The following RELCH variants were observed in gnomAD, a reference collection of about 807,000 sequenced individuals.
RELCH encodes the protein RAB11-binding protein RELCH.
Under a neutral mutation model 150.3 loss-of-function variants are expected in RELCH, and 41 were observed. The observed-to-expected ratio is 0.27, with a 90% confidence interval of 0.21 to 0.35. RELCH has a LOEUF of 0.35. Among genes scored for constraint, RELCH ranks in the 10% least tolerant of loss-of-function variants. The probability of loss-of-function intolerance (pLI) is 1.00; values close to 1 mark genes in which losing one functional copy is unlikely to be tolerated. For synonymous variants in RELCH, 478 were observed against 531.8 expected (o/e 0.90, Z 1.39); for missense variants, 1,092 against 1,467.8 (o/e 0.74, Z 4.18).
intron 26 of RELCH, among the ~76,000 whole-genome samples, chr18:62,289,331 TTCCATTGTA>T (rs754608730): frequency 2.0e-5 from 3 of 152,214 alleles, no homozygotes; most frequent in Non-Finnish European, 4.4e-5. Flanking sequence ...ATCTGTTCTG[TTCCATTGTA>T]TTCTAAGCTG....
In RELCH at chr18:62,274,000, A is replaced by C; in HGVS notation, c.2781A>C (p.Leu927Phe). 6.2e-7 allele frequency: 1 copy of C among 1,611,694 alleles called. No individual in the cohort carries two copies. The highest frequency in any genetic ancestry group is 1.7e-4 in the Middle Eastern group (1 of 6,048). ...CYIQEEDRKL[L>F]VGFLEDVMTL... is the part of the protein sequence containing the mutation. The stretch of plus-strand genomic sequence containing the variant: ...TGTAGGAAGAAGACCGAAAACTGTT[A>C]GTTGGATTCTTAGAAGATGTAATGA... Residue 927 changes from leucine to phenylalanine, a missense_variant, in exon 21 of 29, where the codon TTA (leucine) becomes TTC (phenylalanine). Around this residue, in one of 4 missense-constraint regions of RELCH, gnomAD observed 707 missense variants for 1,025.4 expected, o/e 0.69. Coordinates refer to ENST00000644646, the MANE Select transcript of RELCH (RefSeq NM_001346231.2).
intron 21 of RELCH, among the ~76,000 whole-genome samples, chr18:62,274,560 A>G (rs1009882055): frequency 2.0e-5 from 3 of 152,222 alleles, no homozygotes; most frequent in Admixed American, 1.3e-4. Flanking sequence ...TTTCATTTGC[A>G]TAGGCTTCAC....
chr18:62,207,341 T>C (rs1425458754), intron 1 of RELCH, among the ~76,000 whole-genome samples: 1 of 152,256 alleles, frequency 6.6e-6, no homozygotes. Context: ...TCCATCCTTT[T>C]TATTGCTGAA....
rs1313752829 is a variant in RELCH, at chr18:62,227,417, A to G, written c.987A>G (p.Glu329=). 1 of 1,613,282 alleles carries G rather than the reference A, an allele frequency of 6.2e-7. No homozygotes were observed. ...TTGTAGATGTGGCCAGTGGAGTAGA[A>G]GAAGATGAATTAGAGGCCCTTACAC... ...KDLVDVASGV[E]EDELEALTPI... The change falls in exon 6 of 29, where the codon GAA becomes GAG. Residue 329 remains glutamate (E), a synonymous_variant. Transcript: ENST00000644646.
At chr18:62,214,925 A>C (rs28718135) in intron 2 of RELCH, among the ~76,000 whole-genome samples, 1,778 of 152,236 alleles carry the variant, frequency 0.012, 26 homozygotes, top group East Asian at 0.052. Context: ...TAGGAGGGAC[A>C]GCCTGAAAGA....
intron 12 of RELCH, chr18:62,254,561 T>A (rs2042897261): frequency 6.6e-6 from 1 of 152,136 alleles, no homozygotes; most frequent in Admixed American, 6.6e-5. Context: ...TTCAAAGATG[T>A]CAGTTATAAA....
chr18:62,273,864 C>T, intron 20 of RELCH, 116 bp from the exon 21 acceptor site: 1 of 649,236 alleles, frequency 1.5e-6, no homozygotes, highest in Non-Finnish European at 2.7e-6. Flanking sequence ...AAATAGCTTC[C>T]AAATTTGGAT....
chr18:62,245,447 A>G (rs2042356009), intron 11 of RELCH, among the ~76,000 whole-genome samples: 1 of 152,082 alleles, frequency 6.6e-6, no homozygotes, highest in Admixed American at 6.5e-5. Flanking sequence ...AACATGGTGA[A>G]ACTCTATCTC....
At chr18:62,299,496 C>T (rs2045569278) in intron 28 of RELCH, among the ~76,000 whole-genome samples, 1 of 152,052 alleles carries the variant, frequency 6.6e-6, no homozygotes, top group Admixed American at 6.6e-5. Flanking sequence ...GTGTTTCATC[C>T]TATCAGTCTA....
rs368200612 is a variant in RELCH at position 62,235,715 on chromosome 18, TG to T, written c.1620+3290del. 2.1e-3 allele frequency among the ~76,000 whole-genome samples: 312 copies of T among 152,170 alleles called. 4 individuals are homozygous for T. The highest frequency in any genetic ancestry group is 7.3e-3 in the African/African-American group (302 of 41,566). On this transcript the variant is annotated intron_variant, in intron 10 of 28. Transcript: ENST00000644646. ...TTGTTCTCTTGGATGGTATTGTAAA[TG>T]GAATTGTTCTTTTAGTTTTCTTTTC...
rs539055675 is a variant in RELCH at position 62,229,518 on chromosome 18, G to GTGTGTCTGTCTGTC, written c.1448+923_1448+924insGTCTGTCTGTCTGT. On this transcript the variant is annotated intron_variant, in intron 8 of 28. Coordinates refer to ENST00000644646, the MANE Select transcript of RELCH (RefSeq NM_001346231.2). ...TGTGTGTGTGTGTGTGTGTGTGTGT[G>GTGTGTCTGTCTGTC]TGTCTGTCTGTCTGTCTGTCTGTGT... 5.4e-4 allele frequency among the ~76,000 whole-genome samples: 80 copies of GTGTGTCTGTCTGTC among 147,748 alleles called. No individual in the cohort carries two copies. In the Middle Eastern group the frequency reaches 0.01, roughly 19 times the overall value.
rs375471330 is a variant in RELCH at position 62,232,443 on chromosome 18, G to A, written c.1620+16G>A. The A allele has an allele frequency of 3.8e-5, 56 of 1,492,244 alleles. No homozygotes were observed. In the African/African-American group the frequency reaches 7.3e-4, roughly 19 times the overall value. The allele number at this position is 1,492,244 out of a possible 1,614,324, so 92.4% of individuals were successfully genotyped here. ...AAAGAGAGAGGTAAGACACATGAAAGTATTTTCGTCCCAGTAATCCCATCA... is the reference window on the plus strand; with the variant it reads ...AAAGAGAGAGGTAAGACACATGAAAATATTTTCGTCCCAGTAATCCCATCA... On this transcript the variant is annotated intron_variant, in intron 10 of 28. Coordinates refer to ENST00000644646, the MANE Select transcript of RELCH (RefSeq NM_001346231.2).
Position 62,232,362 on chromosome 18 carries a change from G to T in RELCH, c.1555G>T (p.Val519Phe). The T allele has an allele frequency of 2.5e-6, 4 of 1,611,508 alleles. No homozygotes were observed. Among genetic ancestry groups the T allele is most frequent in the Non-Finnish European group, 3.4e-6 (4 of 1,178,336 alleles). ...VSRIADSEKS[V>F]MLMLGRCLPH... The stretch of plus-strand genomic sequence containing the variant: ...TCGTATTGCAGACAGTGAAAAAAGC[G>T]TTATGTTAATGCTGGGACGCTGCCT... Residue 519 changes from valine (V) to phenylalanine (F), a missense_variant, in exon 10 of 29, where the codon GTT becomes TTT. Val to Phe is a conservative substitution (Grantham distance 50). Transcript: ENST00000644646.
At position 62,279,107 on chromosome 18, in the gene RELCH, C is replaced by G. The variant is rs183373764; in HGVS notation, c.2968-667C>G. ...CACCATTTTCAGATGAGAAAACTTG[C>G]GTTTCAAGAGGTTATGGAAAATACT... On this transcript the variant is annotated intron_variant, in intron 22 of 28. Transcript: ENST00000644646. 2.9e-4 allele frequency among the ~76,000 whole-genome samples: 44 copies of G among 152,122 alleles called. No homozygotes were observed. In the East Asian group the frequency reaches 6.4e-3, roughly 22 times the overall value.
intron 22 of RELCH, among the ~76,000 whole-genome samples, chr18:62,279,415 T>C (rs2044386152): frequency 6.6e-6 from 1 of 152,160 alleles, no homozygotes; most frequent in Admixed American, 6.6e-5. Flanking sequence ...CACCCTTACT[T>C]TGAGAATTTT....
At chr18:62,192,828 G>C (rs1240534644) in intron 1 of RELCH, among the ~76,000 whole-genome samples, 2 of 152,130 alleles carry the variant, frequency 1.3e-5, no homozygotes, top group Non-Finnish European at 2.9e-5. Context: ...GATGTCTCCA[G>C]CTTTGTTCTT....
At chr18:62,210,095 T>C (rs2040064652) in intron 1 of RELCH, among the ~76,000 whole-genome samples, 1 of 152,160 alleles carries the variant, frequency 6.6e-6, no homozygotes, top group Non-Finnish European at 1.5e-5. Flanking sequence ...ATGTTTTTGG[T>C]TTCATGGTTT....
At chr18:62,261,736 G>A in intron 16 of RELCH, 78 bp downstream of exon 16, 3 of 1,316,946 alleles carry the variant, frequency 2.3e-6, no homozygotes, top group Non-Finnish European at 2.1e-6. Context: ...TTTATTAAAA[G>A]TCTAAAAATC....
chr18:62,245,176 A>G (rs564409896), intron 11 of RELCH, among the ~76,000 whole-genome samples: 1 of 152,344 alleles, frequency 6.6e-6, no homozygotes, highest in East Asian at 1.9e-4. Context: ...ACTCTAAGAA[A>G]TTTACCTTAT....
Sources: allele counts gnomAD v4.1 joint callset (sites outside exome capture counted in the v4.1 genomes callset), GRCh38; gene constraint gnomAD v4.1.1; regional missense constraint gnomAD v4.1.1; transcripts MANE v1.5; gene names NCBI Gene and HGNC (gene_info 2026-07-23, HGNC 2026-07-21).